Variants in DNAJB6 observed in about 807,000 individuals in gnomAD.
DNAJB6 encodes DnaJ heat shock protein family (Hsp40) member B6, also known as dnaJ homolog subfamily B member 6.
DNAJB6 carries 16 observed loss-of-function variants against 42.7 expected under a neutral mutation model. The observed-to-expected ratio is 0.37, with a 90% CI of 0.25 to 0.57. The LOEUF (loss-of-function observed/expected upper bound fraction) is 0.57, where lower values mean the gene tolerates loss of function less well. DNAJB6 is among the 20% of genes least tolerant of loss of function. The pLI, the probability that DNAJB6 is intolerant of heterozygous loss-of-function variation, is 0.74. For missense variants in DNAJB6, 347 were observed against 416.8 expected (o/e 0.83, Z 1.46); for synonymous variants, 170 against 163.5 (o/e 1.04, Z -0.30).
At chr7:157,386,940 A>G (rs1456024349) in intron 8 of DNAJB6, among the ~76,000 whole-genome samples, 1 of 152,088 alleles carries the variant, frequency 6.6e-6, no homozygotes, top group Non-Finnish European at 1.5e-5. Flanking sequence ...TCAGTTTGTA[A>G]TATCTTTCAT....
intron 1 of DNAJB6, among the ~76,000 whole-genome samples, chr7:157,357,415 A>G (rs983755934): frequency 1.3e-5 from 2 of 149,970 alleles, no homozygotes; most frequent in Admixed American, 6.8e-5. Context: ...CCTGGGTTCA[A>G]GCAATTCTGC....
chr7:157,389,419 GGA>G (rs768888117), intron 8 of DNAJB6, among the ~76,000 whole-genome samples: 2 of 152,140 alleles, frequency 1.3e-5, no homozygotes, highest in Non-Finnish European at 2.9e-5. Flanking sequence ...TTGTTATTTC[GGA>G]GGTTTTCAAG....
intron 8 of DNAJB6, among the ~76,000 whole-genome samples, chr7:157,391,792 G>A (rs1002951954): frequency 2.6e-5 from 4 of 152,154 alleles, no homozygotes; most frequent in Non-Finnish European, 4.4e-5. Context: ...ATTGGCTTGA[G>A]AAACGTGTGC....
At chr7:157,415,771 C>T (rs1393358472) in intron 9 of DNAJB6, among the ~76,000 whole-genome samples, 5 of 152,144 alleles carry the variant, frequency 3.3e-5, no homozygotes, top group Non-Finnish European at 5.9e-5. Context: ...TGCCGCTGGG[C>T]GGAACTCGGG....
chr7:157,351,003 C>G (rs545644456), intron 1 of DNAJB6, among the ~76,000 whole-genome samples: 1 of 149,586 alleles, frequency 6.7e-6, no homozygotes, highest in South Asian at 2.1e-4. Flanking sequence ...GGTGCAATCG[C>G]GGCTCACTGC....
At chr7:157,351,702 G>T (rs192538501) in intron 1 of DNAJB6, among the ~76,000 whole-genome samples, 1 of 152,116 alleles carries the variant, frequency 6.6e-6, no homozygotes, top group African/African-American at 2.4e-5. Context: ...TATGGTGTAT[G>T]CCCATAATCC....
At chr7:157,413,034 ACAGT>A (rs919166009) in intron 9 of DNAJB6, 21 of 152,308 alleles carry the variant, frequency 1.4e-4, no homozygotes, top group Admixed American at 1.3e-4. Flanking sequence ...GTGCCCTGTC[ACAGT>A]CAGCGGGGAG....
intron 9 of DNAJB6, chr7:157,412,150 C>T (rs775233824): frequency 6.6e-6 from 1 of 152,248 alleles, no homozygotes; most frequent in Non-Finnish European, 1.5e-5. Flanking sequence ...TAAGTTCTTA[C>T]TGAGAGATGA....
intron 6 of DNAJB6, among the ~76,000 whole-genome samples, chr7:157,383,635 G>GTGTGTGTA (rs967780376): frequency 6.7e-6 from 1 of 149,934 alleles, no homozygotes; most frequent in African/African-American, 2.5e-5. Flanking sequence ...GTGTGTGTGT[G>GTGTGTGTA]TGTGTGTGGT....
At chr7:157,378,872 T>C (rs1239382248) in intron 5 of DNAJB6, 2 of 152,214 alleles carry the variant, frequency 1.3e-5, no homozygotes, top group South Asian at 2.1e-4. Flanking sequence ...GTGGCAACTT[T>C]TAACTGGTCT....
At chr7:157,353,352 A>G (rs6965468) in intron 1 of DNAJB6, among the ~76,000 whole-genome samples, 84,758 of 151,954 alleles carry the variant, frequency 0.56, 23,979 homozygotes, top group East Asian at 0.77. Context: ...CCTGTATACC[A>G]TTCACCCAAC....
At chr7:157,364,548 C>A (rs565636706) in intron 3 of DNAJB6, among the ~76,000 whole-genome samples, 6 of 152,210 alleles carry the variant, frequency 3.9e-5, no homozygotes, top group Non-Finnish European at 8.8e-5. Flanking sequence ...TTCCAAGCAC[C>A]ATTGCGCCAG....
chr7:157,410,517 G>A, intron 9 of DNAJB6: 1 of 177,024 alleles, frequency 5.6e-6, no homozygotes, highest in Non-Finnish European at 1.2e-5. Context: ...GTTCTTGGCC[G>A]CCCTGCCCTC....
chr7:157,354,461 T>C (rs979862772), intron 1 of DNAJB6, among the ~76,000 whole-genome samples: 1 of 125,358 alleles, frequency 8.0e-6, no homozygotes, highest in South Asian at 2.7e-4. Context: ...ATTTTTAGTT[T>C]TAATTTTTTT....
At chr7:157,354,011 G>A (rs1584889613) in intron 1 of DNAJB6, among the ~76,000 whole-genome samples, 1 of 152,156 alleles carries the variant, frequency 6.6e-6, no homozygotes, top group Admixed American at 6.6e-5. Flanking sequence ...GCTTGATCTA[G>A]CATTAGCCAG....
intron 5 of DNAJB6, chr7:157,380,467 T>C (rs1009942052): frequency 6.6e-6 from 1 of 152,270 alleles, no homozygotes; most frequent in African/African-American, 2.4e-5. Flanking sequence ...AAAGTACCTA[T>C]GACCATCTTA....
chr7:157,401,730 G>A (rs756387508), intron 8 of DNAJB6, among the ~76,000 whole-genome samples: 6 of 152,198 alleles, frequency 3.9e-5, no homozygotes, highest in Non-Finnish European at 7.3e-5. Context: ...GAAGCATTAC[G>A]CAATAAAGAG....
At chr7:157,349,731 G>A (rs1798872955) in intron 1 of DNAJB6, among the ~76,000 whole-genome samples, 2 of 152,048 alleles carry the variant, frequency 1.3e-5, no homozygotes, top group African/African-American at 4.8e-5. Context: ...TGCAACCTCC[G>A]CCTCCCGGGT....
At chr7:157,383,980 T>G (rs1014607009) in intron 6 of DNAJB6, among the ~76,000 whole-genome samples, 16 of 152,170 alleles carry the variant, frequency 1.1e-4, no homozygotes, top group Non-Finnish European at 1.3e-4. Context: ...AAGGTAAACT[T>G]AACATACCTG....
Sources: allele counts gnomAD v4.1 joint callset (sites outside exome capture counted in the v4.1 genomes callset), GRCh38; gene constraint gnomAD v4.1.1; transcripts MANE v1.5; gene names NCBI Gene and HGNC (gene_info 2026-07-23, HGNC 2026-07-21).